PRKG1: variants seen among roughly 807,000 people sequenced by gnomAD.
PRKG1 encodes cGMP-dependent protein kinase 1.
A neutral mutation model predicts 88.1 loss-of-function variants in PRKG1; 35 were observed. The observed-to-expected ratio is 0.40, with a 90% CI of 0.30 to 0.53. The LOEUF (loss-of-function observed/expected upper bound fraction) is 0.53. Among genes scored for constraint, PRKG1 ranks in the 20% least tolerant of loss-of-function variants. The pLI is 0.59. For missense variants in PRKG1, 540 were observed against 839.8 expected, an observed-to-expected ratio of 0.64 and a Z score of 4.41; for synonymous variants, 303 against 292.5, an observed-to-expected ratio of 1.04 and a Z score of -0.37.
chr10:51,784,534 T>A (rs1838679720), intron 3 of PRKG1, among the ~76,000 whole-genome samples: 1 of 152,074 alleles, frequency 6.6e-6, no homozygotes, highest in South Asian at 2.1e-4. Flanking sequence ...ACCAGAATAG[T>A]TTTTTACTTG....
At chr10:51,626,325 A>G (rs904590708) in intron 3 of PRKG1, among the ~76,000 whole-genome samples, 1 of 152,238 alleles carries the variant, frequency 6.6e-6, no homozygotes. Flanking sequence ...TTAGAAAAAC[A>G]TAGTTGACAT....
At chr10:51,045,191 T>A (rs1843471462) in intron 1 of PRKG1, among the ~76,000 whole-genome samples, 1 of 152,204 alleles carries the variant, frequency 6.6e-6, no homozygotes, top group African/African-American at 2.4e-5. Context: ...ATTTAGAAAC[T>A]GCTAGAAATC....
At chr10:52,026,505 C>G (rs897461740) in intron 5 of PRKG1, among the ~76,000 whole-genome samples, 7 of 152,118 alleles carry the variant, frequency 4.6e-5, no homozygotes, top group African/African-American at 1.7e-4. Context: ...CCAAAATGAG[C>G]AATTCCCTAG....
rs78268816 is a variant in PRKG1 at position 51,477,331 on chromosome 10, A to G, written c.592+9495A>G. 4.5e-3 allele frequency among the ~76,000 whole-genome samples: 683 copies of G among 150,556 alleles called. 14 individuals carry two copies. The East Asian group carries it at 0.061, about 13-fold the overall frequency. On this transcript the variant is annotated intron_variant, in intron 3 of 17. Coordinates refer to ENST00000373980, the MANE Select transcript of PRKG1 (RefSeq NM_006258.4). ...AAGGAATTCTTGGCAAACTAGATCG[A>G]GACAAATAGAAGAATTTGGAAGGAA...
rs544167594 is a variant in PRKG1, at chr10:51,875,301, A to G, written c.699-32206A>G. Reference sequence around the variant, plus strand: ...ACTGGTGAATGTGAGAAATGCTTTAAGCTTTAATGAAAAAAAAAAAATACT... The same window carrying G: ...ACTGGTGAATGTGAGAAATGCTTTAGGCTTTAATGAAAAAAAAAAAATACT... On this transcript the variant is annotated intron_variant, in intron 4 of 17. Coordinates refer to ENST00000373980, the MANE Select transcript of PRKG1 (RefSeq NM_006258.4). 5.1e-4 allele frequency among the ~76,000 whole-genome samples: 68 copies of G among 132,364 alleles called. 1 individual carries two copies. In the Middle Eastern group the frequency reaches 0.011, roughly 22 times the overall value. The allele number at this position is 132,364 out of a possible 152,430, so 86.8% of individuals were successfully genotyped here.
At chr10:51,192,624 GA>G (rs1195211483) in intron 2 of PRKG1, among the ~76,000 whole-genome samples, 1 of 151,690 alleles carries the variant, frequency 6.6e-6, no homozygotes, top group East Asian at 1.9e-4. Flanking sequence ...TGCAATAAAA[GA>G]AAAAAACCAT....
chr10:51,744,951 C>T (rs183715808), intron 3 of PRKG1, among the ~76,000 whole-genome samples: 56 of 152,206 alleles, frequency 3.7e-4, no homozygotes, highest in Non-Finnish European at 6.3e-4. Context: ...ATTTTTTCAA[C>T]GCCTGGTTGT....
intron 7 of PRKG1, chr10:52,128,388 G>A (rs1837160472): frequency 1.0e-6 from 1 of 985,212 alleles, no homozygotes; most frequent in Admixed American, 6.2e-5. Context: ...GAACGCTAGA[G>A]TTCTCTCATA....
At chr10:52,033,844 T>A (rs565566180) in intron 5 of PRKG1, among the ~76,000 whole-genome samples, 2 of 151,606 alleles carry the variant, frequency 1.3e-5, no homozygotes, top group African/African-American at 4.8e-5. Flanking sequence ...GCGGACTGAG[T>A]CCGAAAAGAG....
intron 8 of PRKG1, among the ~76,000 whole-genome samples, chr10:52,144,727 G>A (rs1399638958): frequency 2.9e-5 from 2 of 69,070 alleles, no homozygotes; most frequent in Non-Finnish European, 7.7e-5. Context: ...TGAGGCAGGA[G>A]AATTGCTTGA....
At chr10:51,676,815 T>C (rs1450106134) in intron 3 of PRKG1, among the ~76,000 whole-genome samples, 1 of 151,998 alleles carries the variant, frequency 6.6e-6, no homozygotes, top group African/African-American at 2.4e-5. Flanking sequence ...TTGTCTATTC[T>C]TTTTTTGCTT....
chr10:52,213,347 A>G (rs1278491701), intron 9 of PRKG1, among the ~76,000 whole-genome samples: 1 of 152,166 alleles, frequency 6.6e-6, no homozygotes, highest in African/African-American at 2.4e-5. Flanking sequence ...TTATGGGTTT[A>G]TTTAAGACTC....
chr10:51,344,673 T>A (rs1842075406), intron 2 of PRKG1, among the ~76,000 whole-genome samples: 1 of 152,174 alleles, frequency 6.6e-6, no homozygotes. Context: ...GTCCTTTTTT[T>A]TTCACTGTCT....
At chr10:51,589,229 C>T (rs1838247569) in intron 3 of PRKG1, among the ~76,000 whole-genome samples, 1 of 151,934 alleles carries the variant, frequency 6.6e-6, no homozygotes, top group Non-Finnish European at 1.5e-5. Context: ...GGCTACAAGA[C>T]AAAACAAACA....
chr10:51,379,715 A>G (rs982460562), intron 2 of PRKG1, among the ~76,000 whole-genome samples: 9 of 152,174 alleles, frequency 5.9e-5, no homozygotes, highest in African/African-American at 2.2e-4. Flanking sequence ...TGTTCACTCG[A>G]CAGATTTAAC....
intron 3 of PRKG1, among the ~76,000 whole-genome samples, chr10:51,605,870 A>G (rs576617182): frequency 5.3e-5 from 8 of 152,278 alleles, no homozygotes; most frequent in African/African-American, 1.7e-4. Flanking sequence ...TTTACTTGCC[A>G]GTTTTTTATC....
chr10:51,477,014 T>C (rs1259552937), intron 3 of PRKG1, among the ~76,000 whole-genome samples: 1 of 151,936 alleles, frequency 6.6e-6, no homozygotes, highest in Non-Finnish European at 1.5e-5. Context: ...TTAAGGAGCT[T>C]AAGAAACTTC....
chr10:51,508,443 G>A (rs1005991683), intron 3 of PRKG1, among the ~76,000 whole-genome samples: 3 of 152,048 alleles, frequency 2.0e-5, no homozygotes, highest in Admixed American at 6.6e-5. Flanking sequence ...AAACTATCAA[G>A]GAATATGTGC....
chr10:51,965,649 G>T (rs1226582221), intron 5 of PRKG1, among the ~76,000 whole-genome samples: 2 of 152,146 alleles, frequency 1.3e-5, no homozygotes, highest in Non-Finnish European at 2.9e-5. Context: ...TTCAGAAATA[G>T]TTGCTGACAA....
Sources: allele counts gnomAD v4.1 joint callset (sites outside exome capture counted in the v4.1 genomes callset), GRCh38; gene constraint gnomAD v4.1.1; transcripts MANE v1.5; gene names NCBI Gene and HGNC (gene_info 2026-07-23, HGNC 2026-07-21).